FRYL: variants seen among roughly 807,000 people sequenced by gnomAD.
FRYL encodes the protein FRY like transcription coactivator.
FRYL carries 150 observed loss-of-function variants against 351.2 expected under a neutral mutation model. That is an observed-to-expected ratio of 0.43 (90% confidence interval 0.37 to 0.49). FRYL has a LOEUF of 0.49. FRYL is among the 20% of genes least tolerant of loss of function. The pLI is 0.00. For synonymous variants in FRYL, 1,153 were observed against 1,257.1 expected (o/e 0.92, Z 1.75); for missense variants, 3,036 against 3,619.3 (o/e 0.84, Z 4.13).
At chr4:48,717,835 AT>A (rs1427871482) in intron 1 of FRYL, among the ~76,000 whole-genome samples, 1 of 151,494 alleles carries the variant, frequency 6.6e-6, no homozygotes, top group Non-Finnish European at 1.5e-5. Flanking sequence ...GCTATCACGC[AT>A]GGCCTTAAGT....
chr4:48,757,938 T>C (rs1216865647), intron 1 of FRYL, among the ~76,000 whole-genome samples: 1 of 152,146 alleles, frequency 6.6e-6, no homozygotes, highest in Non-Finnish European at 1.5e-5. Flanking sequence ...ACCATGCATC[T>C]ACAACCATCT....
chr4:48,700,209 A>G (rs908639283), intron 2 of FRYL, among the ~76,000 whole-genome samples: 2 of 152,164 alleles, frequency 1.3e-5, no homozygotes, highest in African/African-American at 4.8e-5. Flanking sequence ...ACAGAAAAAC[A>G]AAAGATTTTT....
intron 35 of FRYL, among the ~76,000 whole-genome samples, chr4:48,554,362 G>A (rs1228942673): frequency 7.3e-5 from 11 of 149,964 alleles, no homozygotes; most frequent in Non-Finnish European, 1.6e-4. Context: ...TTTTTGAGAC[G>A]GAGTCTCGCT....
chr4:48,624,531 A>G (rs1257570214), intron 4 of FRYL, among the ~76,000 whole-genome samples: 1 of 152,196 alleles, frequency 6.6e-6, no homozygotes, highest in Non-Finnish European at 1.5e-5. Context: ...TTGGTACATA[A>G]AGAGGCTTCC....
At chr4:48,710,812 G>GTT (rs1261760084) in intron 1 of FRYL, 114 bp from the exon 2 acceptor site, 2 of 387,290 alleles carry the variant, frequency 5.2e-6, no homozygotes, top group African/African-American at 2.1e-5. Flanking sequence ...GTTCCTCAAA[G>GTT]GTGAAACATC....
In FRYL at chr4:48,671,810, G is replaced by A. The variant is rs1438933050; in HGVS notation, c.-81+12863C>T. On this transcript the variant is annotated intron_variant, in intron 3 of 63. Transcript: ENST00000358350. Reference sequence around the variant, plus strand: ...AGAGGTTGCAGTGAGCCAAGATCACGCCACTGCACTCCAGCCTGGGCGAGA... The same window carrying A: ...AGAGGTTGCAGTGAGCCAAGATCACACCACTGCACTCCAGCCTGGGCGAGA... Among the ~76,000 whole-genome samples, 11 of 124,016 alleles carry A rather than the reference G, an allele frequency of 8.9e-5. No homozygotes were observed. The Admixed American group carries it at 9.5e-4, about 11-fold the overall frequency. The allele number at this position is 124,016 out of a possible 152,430, so 81.4% of individuals were successfully genotyped here. A position where few individuals can be genotyped will look rare whatever the true frequency, so the allele number is the denominator to read the frequency against.
chr4:48,629,286 T>C (rs1409349563), intron 4 of FRYL, among the ~76,000 whole-genome samples: 7 of 152,146 alleles, frequency 4.6e-5, no homozygotes, highest in African/African-American at 1.7e-4. Context: ...AACACTTGTA[T>C]AGCCAACCTT....
chr4:48,571,559 T>C (rs1466917603), intron 26 of FRYL: 1 of 670,946 alleles, frequency 1.5e-6, no homozygotes, highest in Non-Finnish European at 1.8e-6. Context: ...TCATTTGTGA[T>C]GTAATTTTCA....
intron 4 of FRYL, among the ~76,000 whole-genome samples, chr4:48,626,337 C>T (rs1751822144): frequency 1.3e-5 from 2 of 151,932 alleles, no homozygotes; most frequent in South Asian, 2.1e-4. Context: ...GAACTATTCG[C>T]TCTGTAACAA....
intron 3 of FRYL, among the ~76,000 whole-genome samples, chr4:48,648,644 A>G (rs1385013575): frequency 6.6e-6 from 1 of 152,198 alleles, no homozygotes; most frequent in Non-Finnish European, 1.5e-5. Context: ...TAAAACAGCA[A>G]TTTATCAATT....
intron 56 of FRYL, among the ~76,000 whole-genome samples, chr4:48,513,473 G>C (rs1722905952): frequency 6.6e-6 from 1 of 152,158 alleles, no homozygotes; most frequent in Admixed American, 6.6e-5. Context: ...AGATGTATTT[G>C]GGTTGGACAT....
intron 1 of FRYL, among the ~76,000 whole-genome samples, chr4:48,760,576 A>T (rs1774301097): frequency 6.6e-6 from 1 of 152,062 alleles, no homozygotes; most frequent in Admixed American, 6.6e-5. Flanking sequence ...CAAGCACTCC[A>T]GGGCAATGTG....
Position 48,552,241 on chromosome 4 carries a change from A to AGG in FRYL, c.4436-665_4436-664dup, listed in dbSNP as rs879310866. Among the ~76,000 whole-genome samples the AGG allele has an allele frequency of 6.0e-3, 723 of 119,796 alleles. 3 individuals are homozygous for AGG. Among genetic ancestry groups the AGG allele is most frequent in the Middle Eastern group, 0.017 (4 of 240 alleles). 78.6% of individuals were successfully genotyped at this position (119,796 alleles called of 152,430 possible). A position where few individuals can be genotyped will look rare whatever the true frequency, so the allele number is the denominator to read the frequency against. ...GTGTGTATAAATATAAACAGTCCAA[A>AGG]GGGGTGTGTGTGTGTGTGTGTGTGT... is the stretch of plus-strand genomic sequence containing the variant. On this transcript the variant is annotated intron_variant, in intron 36 of 63. Transcript: ENST00000358350.
intron 3 of FRYL, among the ~76,000 whole-genome samples, chr4:48,651,517 G>A (rs1455776628): frequency 1.4e-4 from 22 of 151,988 alleles, no homozygotes; most frequent in Admixed American, 1.4e-3. Context: ...TCTGTTTTAT[G>A]TATAACAGTC....
rs1352617756 is a variant in FRYL, at chr4:48,498,819, C to A, written c.*603G>T. The A allele has an allele frequency of 1.3e-5, 2 of 152,948 alleles. No individual in the cohort carries two copies. Among genetic ancestry groups the A allele is most frequent in the African/African-American group, 4.8e-5 (2 of 41,430 alleles). 9.5% of individuals were successfully genotyped at this position (152,948 alleles called of 1,614,324 possible). The stretch of plus-strand genomic sequence containing the variant: ...TATGACTATCACATATCCATACATC[C>A]CAACTCACACACACATAATTCCTTA... On this transcript the variant is annotated 3_prime_UTR_variant, in exon 64 of 64. Transcript: ENST00000358350.
intron 7 of FRYL, 91 bp downstream of exon 7, chr4:48,619,183 T>G (rs1213787888): frequency 1.2e-6 from 1 of 827,698 alleles, no homozygotes; most frequent in African/African-American, 1.7e-5. Flanking sequence ...GGGCTAAAAT[T>G]CTAGACACAG....
At chr4:48,687,460 G>A (rs1765249066) in intron 2 of FRYL, among the ~76,000 whole-genome samples, 1 of 140,536 alleles carries the variant, frequency 7.1e-6, no homozygotes, top group South Asian at 2.4e-4. Context: ...GTCCAGCTCT[G>A]GTGCTTGGGA....
intron 38 of FRYL, among the ~76,000 whole-genome samples, chr4:48,550,004 T>C (rs1292797277): frequency 6.6e-6 from 1 of 152,184 alleles, no homozygotes; most frequent in Non-Finnish European, 1.5e-5. Context: ...AGCTCCATCT[T>C]GAAAGGAACT....
rs1305809422 is a variant in FRYL, at chr4:48,757,920, G to A, written c.-384+22158C>T. ...CCAATGGAACAGAACAGAGCCCTTAGAAATAATACCATGCATCTACAACCA... is the reference window on the plus strand; with the variant it reads ...CCAATGGAACAGAACAGAGCCCTTAAAAATAATACCATGCATCTACAACCA... On this transcript the variant is annotated intron_variant, in intron 1 of 63. Transcript: ENST00000358350. Among the ~76,000 whole-genome samples the A allele has an allele frequency of 7.2e-5, 11 of 152,252 alleles. No homozygotes were observed. The East Asian group carries it at 2.1e-3, about 29-fold the overall frequency.
Sources: allele counts gnomAD v4.1 joint callset (sites outside exome capture counted in the v4.1 genomes callset), GRCh38; gene constraint gnomAD v4.1.1; transcripts MANE v1.5; gene names NCBI Gene and HGNC (gene_info 2026-07-23, HGNC 2026-07-21).